The following ARL15 variants were observed in gnomAD, a reference collection of about 807,000 sequenced individuals.
ARL15 encodes ARF like GTPase 15, also known as ADP-ribosylation factor-like protein 15.
ARL15 carries 19 observed loss-of-function variants against 25.2 expected under a neutral mutation model. That is an observed-to-expected ratio of 0.75 (90% CI 0.53 to 1.10). The LOEUF (loss-of-function observed/expected upper bound fraction) is 1.10, where lower values mean the gene tolerates loss of function less well. Ranked by LOEUF, ARL15 falls within the 50% of genes least tolerant of loss-of-function variation. The pLI, the probability that ARL15 is intolerant of heterozygous loss-of-function variation, is 0.00. For synonymous variants in ARL15, 94 were observed against 86.8 expected (o/e 1.08, Z -0.46); for missense variants, 220 against 246.0 (o/e 0.89, Z 0.71).
chr5:54,130,448 C>G (rs1753396276), intron 3 of ARL15, among the ~76,000 whole-genome samples: 2 of 152,088 alleles, frequency 1.3e-5, no homozygotes, highest in African/African-American at 4.8e-5. Context: ...AATCCTTTTA[C>G]AGAAAATCAT....
chr5:53,985,710 T>A (rs1481473229), intron 4 of ARL15, among the ~76,000 whole-genome samples: 1 of 152,216 alleles, frequency 6.6e-6, no homozygotes, highest in Non-Finnish European at 1.5e-5. Flanking sequence ...TATCTATTCA[T>A]CCGCTGATGG....
At chr5:53,895,751 T>G (rs781547267) in intron 4 of ARL15, among the ~76,000 whole-genome samples, 4 of 151,828 alleles carry the variant, frequency 2.6e-5, no homozygotes, top group African/African-American at 9.7e-5. Context: ...TTGGGTGCAT[T>G]TATAAACTAA....
At chr5:54,062,429 C>T (rs1245552965) in intron 4 of ARL15, among the ~76,000 whole-genome samples, 1 of 150,296 alleles carries the variant, frequency 6.7e-6, no homozygotes, top group Admixed American at 6.7e-5. Flanking sequence ...GGGAGAGACC[C>T]GGTGGGAGGC....
At chr5:54,003,855 G>A (rs984461538) in intron 4 of ARL15, among the ~76,000 whole-genome samples, 1 of 152,092 alleles carries the variant, frequency 6.6e-6, no homozygotes, top group Admixed American at 6.6e-5. Flanking sequence ...ATAAAAAACT[G>A]TTAGAAACAA....
At chr5:54,142,640 C>A (rs771601328) in intron 3 of ARL15, among the ~76,000 whole-genome samples, 1 of 152,090 alleles carries the variant, frequency 6.6e-6, no homozygotes, top group Non-Finnish European at 1.5e-5. Flanking sequence ...ACTTTCCATC[C>A]GAAATGACTG....
intron 4 of ARL15, among the ~76,000 whole-genome samples, chr5:53,965,501 G>T (rs554106803): frequency 2.0e-5 from 3 of 152,252 alleles, no homozygotes; most frequent in Admixed American, 6.5e-5. Context: ...TCCTGAGGTG[G>T]GGGGGACTTG....
chr5:53,903,779 G>A (rs192721198), intron 4 of ARL15, among the ~76,000 whole-genome samples: 2 of 152,092 alleles, frequency 1.3e-5, no homozygotes, highest in Non-Finnish European at 2.9e-5. Flanking sequence ...ATCTTGGGGG[G>A]CCAAGTCAGT....
intron 1 of ARL15, among the ~76,000 whole-genome samples, chr5:54,200,520 T>C (rs1311229040): frequency 7.2e-5 from 10 of 139,290 alleles, no homozygotes; most frequent in African/African-American, 1.1e-4. Context: ...AAACAGGCTA[T>C]AGAAACAACA....
chr5:54,271,297 T>A (rs1020464895), intron 1 of ARL15, among the ~76,000 whole-genome samples: 2 of 152,190 alleles, frequency 1.3e-5, no homozygotes, highest in Admixed American at 6.5e-5. Flanking sequence ...TCCCTCAGTA[T>A]CCAAGGGGAA....
intron 4 of ARL15, among the ~76,000 whole-genome samples, chr5:53,988,193 G>A (rs1313517103): frequency 6.6e-6 from 1 of 151,330 alleles, no homozygotes; most frequent in African/African-American, 2.4e-5. Flanking sequence ...GTACTCAGGT[G>A]GCTGAGATGG....
intron 4 of ARL15, among the ~76,000 whole-genome samples, chr5:53,977,409 G>A (rs1356509707): frequency 2.7e-5 from 4 of 148,620 alleles, no homozygotes; most frequent in Non-Finnish European, 5.9e-5. Context: ...TTGTTTTAAT[G>A]TAGCACAGTA....
intron 1 of ARL15, among the ~76,000 whole-genome samples, chr5:54,218,176 A>C (rs2112524351): frequency 6.6e-6 from 1 of 152,328 alleles, no homozygotes; most frequent in South Asian, 2.1e-4. Flanking sequence ...ACCAGAAAGA[A>C]GTAACATTCA....
At chr5:54,032,789 T>C (rs1219964703) in intron 4 of ARL15, among the ~76,000 whole-genome samples, 1 of 152,138 alleles carries the variant, frequency 6.6e-6, no homozygotes, top group South Asian at 2.1e-4. Flanking sequence ...TATTGTAAAT[T>C]AGAATTAAAC....
At chr5:54,148,237 T>G (rs1297551953) in intron 3 of ARL15, among the ~76,000 whole-genome samples, 1 of 152,026 alleles carries the variant, frequency 6.6e-6, no homozygotes, top group Admixed American at 6.6e-5. Flanking sequence ...GAAATGCAAA[T>G]AACCTGGGCA....
intron 4 of ARL15, among the ~76,000 whole-genome samples, chr5:54,102,603 G>A (rs1302194340): frequency 2.0e-5 from 3 of 152,086 alleles, no homozygotes; most frequent in Non-Finnish European, 4.4e-5. Context: ...GCTAACGCCT[G>A]ATGAGAGAGC....
chr5:54,258,168 CAAA>C (rs773543108), intron 1 of ARL15, among the ~76,000 whole-genome samples: 1 of 121,730 alleles, frequency 8.2e-6, no homozygotes, highest in African/African-American at 3.0e-5. Context: ...TTTGTTTCTA[CAAA>C]AAAAAAAAAA....
At chr5:54,249,434 A>C (rs1757181426) in intron 1 of ARL15, among the ~76,000 whole-genome samples, 1 of 152,200 alleles carries the variant, frequency 6.6e-6, no homozygotes, top group Admixed American at 6.5e-5. Context: ...AGAAGGAAAG[A>C]CAGAAGAAGA....
chr5:54,293,488 G>T (rs1290291204), intron 1 of ARL15, among the ~76,000 whole-genome samples: 1 of 152,202 alleles, frequency 6.6e-6, no homozygotes, highest in Non-Finnish European at 1.5e-5. Context: ...AAACATGTTA[G>T]TTCCTCCCCT....
At chr5:54,261,800 G>A (rs548703901) in intron 1 of ARL15, among the ~76,000 whole-genome samples, 1 of 152,006 alleles carries the variant, frequency 6.6e-6, no homozygotes, top group Non-Finnish European at 1.5e-5. Context: ...GGGAGGGTGG[G>A]GGTCACTTGC....
Sources: allele counts gnomAD v4.1 joint callset (sites outside exome capture counted in the v4.1 genomes callset), GRCh38; gene constraint gnomAD v4.1.1; transcripts MANE v1.5; gene names NCBI Gene and HGNC (gene_info 2026-07-23, HGNC 2026-07-21).